The following IDO2 variants were observed in gnomAD, a reference collection of about 807,000 sequenced individuals.
IDO2 encodes indoleamine 2,3-dioxygenase-like 1 protein.
IDO2 carries 46 observed loss-of-function variants against 45.1 expected under a neutral mutation model. That is an observed-to-expected ratio of 1.02 (90% CI 0.80 to 1.30). IDO2 has a LOEUF of 1.30. Ranked by LOEUF, IDO2 falls within the 50% of genes most tolerant of loss-of-function variation. The pLI is 0.00. For synonymous variants in IDO2, 218 were observed against 184.9 expected (o/e 1.18, Z -1.45); for missense variants, 544 against 491.8 (o/e 1.11, Z -1.00).
At chr8:39,991,634 G>A (rs1329560137) in intron 8 of IDO2, among the ~76,000 whole-genome samples, 3 of 142,962 alleles carry the variant, frequency 2.1e-5, no homozygotes, top group Admixed American at 7.5e-5. Flanking sequence ...GCAGTGGCAC[G>A]ATCTTGGCTC....
intron 8 of IDO2, among the ~76,000 whole-genome samples, chr8:39,994,168 A>G (rs924151731): frequency 1.3e-5 from 2 of 152,204 alleles, no homozygotes; most frequent in Non-Finnish European, 2.9e-5. Context: ...GATTATTTCA[A>G]CACAGAGGAT....
chr8:39,963,290 A>G (rs1023625987), intron 2 of IDO2, among the ~76,000 whole-genome samples: 1 of 152,220 alleles, frequency 6.6e-6, no homozygotes, highest in Non-Finnish European at 1.5e-5. Flanking sequence ...TTAATTCCTC[A>G]CAACAGCTGA....
chr8:39,985,826 C>A, intron 6 of IDO2: 1 of 282,668 alleles, frequency 3.5e-6, no homozygotes. Flanking sequence ...TTCAGTAACT[C>A]CTTGAAGTTT....
intron 10 of IDO2, 92 bp from the exon 11 acceptor site, chr8:40,015,155 G>C (rs933640773): frequency 1.6e-6 from 1 of 640,916 alleles, no homozygotes; most frequent in South Asian, 2.1e-5. Context: ...ATCTCATCTA[G>C]AGAAAAAAAA....
intron 8 of IDO2, 97 bp from the exon 9 acceptor site, chr8:40,005,230 T>A: frequency 1.5e-6 from 1 of 666,876 alleles, no homozygotes; most frequent in South Asian, 3.2e-5. Context: ...GCATATCAGA[T>A]AGGGAAGGAA....
At chr8:40,014,215 A>G (rs998732179) in intron 10 of IDO2, among the ~76,000 whole-genome samples, 1 of 152,234 alleles carries the variant, frequency 6.6e-6, no homozygotes, top group Non-Finnish European at 1.5e-5. Context: ...TAACAGTTGC[A>G]AAAAGACACT....
intron 2 of IDO2, among the ~76,000 whole-genome samples, chr8:39,956,478 A>G (rs1457294952): frequency 6.6e-6 from 1 of 152,190 alleles, no homozygotes; most frequent in Admixed American, 6.5e-5. Flanking sequence ...TACATTTTCT[A>G]TTCCCTTTAT....
chr8:39,947,856 C>A (rs1330880757), intron 1 of IDO2, among the ~76,000 whole-genome samples: 1 of 150,746 alleles, frequency 6.6e-6, no homozygotes, highest in African/African-American at 2.4e-5. Flanking sequence ...GGCGCGATCT[C>A]GGCTCACTGC....
At chr8:39,975,532 C>A (rs1808246576) in intron 3 of IDO2, among the ~76,000 whole-genome samples, 1 of 152,116 alleles carries the variant, frequency 6.6e-6, no homozygotes, top group East Asian at 1.9e-4. Context: ...CTGAAAAATG[C>A]AAGCTATCAT....
chr8:39,987,515 A>G (rs560241615), intron 6 of IDO2: 2 of 176,496 alleles, frequency 1.1e-5, no homozygotes, highest in African/African-American at 2.3e-5. Context: ...AAAAAAGAGC[A>G]TGGACTTGGC....
Position 39,979,061 on chromosome 8 carries a change from G to T in IDO2, c.196-6G>T. 1.3e-6 allele frequency: 2 copies of T among 1,573,560 alleles called. No individual in the cohort carries two copies. The highest frequency in any genetic ancestry group is 8.6e-7 in the Non-Finnish European group (1 of 1,159,596). ...CCTCTGACGGCATTTGGACTTTCAT[G>T]AACAGATGCCCCTGCTGAGCTGCCA... On this transcript the variant is annotated splice_region_variant and splice_polypyrimidine_tract_variant and intron_variant, in intron 3 of 10. Coordinates refer to ENST00000502986, the Ensembl canonical transcript of IDO2.
exon 11 of IDO2, chr8:40,015,642 G>A (rs1171935885): frequency 2.1e-6 from 3 of 1,435,904 alleles, no homozygotes; most frequent in Admixed American, 3.6e-5. Context: ...CCCCCATGGA[G>A]GGCAGGTGGG....
intron 1 of IDO2, among the ~76,000 whole-genome samples, chr8:39,943,723 G>C (rs574449799): frequency 5.0e-4 from 64 of 128,180 alleles, no homozygotes; most frequent in Non-Finnish European, 9.3e-4. Flanking sequence ...GGGCGACAGC[G>C]AGACTCCATC....
At chr8:39,935,393 A>G (rs1240939985) in intron 1 of IDO2, among the ~76,000 whole-genome samples, 175 bp downstream of exon 1, 1 of 151,828 alleles carries the variant, frequency 6.6e-6, no homozygotes, top group Non-Finnish European at 1.5e-5. Flanking sequence ...TGTTTGGTCC[A>G]TGGGCTGAAT....
rs544192254 is a variant in IDO2 at position 39,975,278 on chromosome 8, T to C, written c.196-3789T>C. Among the ~76,000 whole-genome samples the C allele has an allele frequency of 1.7e-3, 252 of 151,410 alleles. 1 individual carries two copies. The highest frequency in any genetic ancestry group is 5.9e-3 in the African/African-American group (244 of 41,300). ...CCTCCTGGGTTCACGCCATTCAACA[T>C]TGGAGTATTTTTATGACATACTTGA... On this transcript the variant is annotated intron_variant, in intron 3 of 10. Transcript: ENST00000502986.
chr8:39,974,599 A>G lies in IDO2; in HGVS notation c.196-4468A>G, dbSNP rs566816752. 3.9e-5 allele frequency among the ~76,000 whole-genome samples: 6 copies of G among 152,284 alleles called. No homozygotes were observed. In the South Asian group the frequency reaches 8.3e-4, roughly 21 times the overall value. ...GGAGTTTGAGATCATCCTGGCCAACATGGTGAAACTCCATCTCTACTGAAA... is the reference window on the plus strand; with the variant it reads ...GGAGTTTGAGATCATCCTGGCCAACGTGGTGAAACTCCATCTCTACTGAAA... On this transcript the variant is annotated intron_variant, in intron 3 of 10. Coordinates refer to ENST00000502986, the Ensembl canonical transcript of IDO2.
chr8:39,986,671 G>GAGATAGATAGATAGAT (rs56228406), intron 6 of IDO2, among the ~76,000 whole-genome samples: 18 of 143,578 alleles, frequency 1.3e-4, no homozygotes, highest in East Asian at 4.1e-4. Context: ...GTACAGCATT[G>GAGATAGATAGATAGAT]AGATAGATAG....
At chr8:39,955,551 A>T (rs181841394) in intron 2 of IDO2, among the ~76,000 whole-genome samples, 1 of 152,052 alleles carries the variant, frequency 6.6e-6, no homozygotes, top group East Asian at 1.9e-4. Flanking sequence ...GGTGATTTTT[A>T]AGAGGAATGA....
chr8:39,978,345 G>A (rs563676437), intron 3 of IDO2, among the ~76,000 whole-genome samples: 1 of 152,340 alleles, frequency 6.6e-6, no homozygotes, highest in South Asian at 2.1e-4. Context: ...GCTGGGGCGA[G>A]GGGAAGAGGC....
Sources: allele counts gnomAD v4.1 joint callset (sites outside exome capture counted in the v4.1 genomes callset), GRCh38; gene constraint gnomAD v4.1.1; transcripts MANE v1.5; gene names NCBI Gene and HGNC (gene_info 2026-07-23, HGNC 2026-07-21).